Variants in LRCH4 observed in about 807,000 individuals in gnomAD.
The protein encoded by LRCH4 is leucine-rich repeat and calponin homology domain-containing protein 4.
A neutral mutation model predicts 81.2 loss-of-function variants in LRCH4; 56 were observed. The ratio of observed to expected loss-of-function variants is 0.69; its 90% CI spans 0.56 to 0.86. LRCH4 has a LOEUF of 0.86. Among genes scored for constraint, LRCH4 ranks in the 40% least tolerant of loss-of-function variants. The pLI is 0.00. For synonymous variants in LRCH4, 442 were observed against 409.7 expected, an observed-to-expected ratio of 1.08 and a Z score of -0.95; for missense variants, 895 against 922.8, an observed-to-expected ratio of 0.97 and a Z score of 0.39.
Position 100,577,545 on chromosome 7 carries a change from G to C in LRCH4, c.1130C>G (p.Pro377Arg), listed in dbSNP as rs755840897. 1.2e-6 allele frequency: 2 copies of C among 1,610,788 alleles called. No homozygotes were observed. ...ERGTVEEQRP[P>R]ELSPGAGDRE... ...GTCCCCTGCCCCAGGGCTTAATTCGGGTGGTCGCTGCTCCTAAGGAGAGAA... is the reference window on the plus strand; with the variant it reads ...GTCCCCTGCCCCAGGGCTTAATTCGCGTGGTCGCTGCTCCTAAGGAGAGAA... Residue 377 changes from proline (P) to arginine (R), a missense_variant, in exon 10 of 18, where the codon CCC (proline) becomes CGC (arginine). Pro to Arg is a moderately radical substitution (Grantham distance 103). This residue lies in a region of LRCH4 where 529 missense variants were observed against 504.9 expected (regional missense o/e 1.05). Coordinates refer to ENST00000310300, the MANE Select transcript of LRCH4 (RefSeq NM_002319.5). This position sits in a 1 kb window ranked among gnomAD's most constrained non-coding sequence, Gnocchi z 6.7.
chr7:100,578,680 G>C lies in LRCH4; in HGVS notation c.705C>G (p.Asp235Glu), dbSNP rs770117840. ...RLRHLQVILL[D>E]SNPLQSPPAQ... is the part of the protein sequence containing the mutation. ...CAGGTGGACTCTGCAGAGGGTTGCT[G>C]TCCAGCAGAATGACCTGCAGGTGCC... Residue 235 changes from aspartate to glutamate, a missense_variant, in exon 5 of 18, where the codon GAC becomes GAG. Coordinates refer to ENST00000310300, the MANE Select transcript of LRCH4 (RefSeq NM_002319.5). The surrounding 1 kb of genome is among the most constrained non-coding windows in gnomAD (Gnocchi z 5.7). 5 of 1,614,194 alleles carry C rather than the reference G, an allele frequency of 3.1e-6. No individual in the cohort carries two copies. Among genetic ancestry groups the C allele is most frequent in the Non-Finnish European group, 4.2e-6 (5 of 1,180,020 alleles).
In LRCH4 at chr7:100,577,227, C is replaced by T. The variant is rs1171490531; in HGVS notation, c.1295+46G>A. ...CAGCGGGGCTCGGTGGCCCCATTTCCAGGGCTCAGTGTCCAGCAACAGCCC... is the reference window on the plus strand; with the variant it reads ...CAGCGGGGCTCGGTGGCCCCATTTCTAGGGCTCAGTGTCCAGCAACAGCCC... On this transcript the variant is annotated intron_variant, in intron 11 of 17. Transcript: ENST00000310300. The surrounding 1 kb of genome is among the most constrained non-coding windows in gnomAD (Gnocchi z 6.7). 1 of 1,607,336 alleles carries T rather than the reference C, an allele frequency of 6.2e-7. No homozygotes were observed. Among genetic ancestry groups the T allele is most frequent in the African/African-American group, 1.3e-5 (1 of 74,900 alleles).
At position 100,576,772 on chromosome 7, in the gene LRCH4, C is replaced by T; in HGVS notation, c.1474G>A (p.Ala492Thr). The change falls in exon 14 of 18, where the codon GCA becomes ACA. Residue 492 changes from alanine to threonine, a missense_variant. Physicochemically the swap from Ala to Thr is moderately conservative, Grantham distance 58 (BLOSUM62 0). Around this residue, in one of 3 missense-constraint regions of LRCH4, gnomAD observed 529 missense variants for 504.9 expected, o/e 1.05. Transcript: ENST00000310300. ...EPLPIAGPAT[A>T]PAPRPLGSIQ... ...GAGCCAAGTGGCCGTGGAGCAGGTG[C>T]TGTCGCTGGGGCCGGAACCAGGGAC... 6.3e-7 allele frequency: 1 copy of T among 1,591,832 alleles called. No homozygotes were observed. The highest frequency in any genetic ancestry group is 2.3e-5 in the East Asian group (1 of 43,976).
In LRCH4 at chr7:100,585,825, G is replaced by A. The variant is rs572675830; in HGVS notation, c.220+56C>T. 16 of 1,476,834 alleles carry A rather than the reference G, an allele frequency of 1.1e-5. 1 individual carries two copies. In the Admixed American group the frequency reaches 3.0e-4, roughly 28 times the overall value. 91.5% of individuals were successfully genotyped at this position (1,476,834 alleles called of 1,614,324 possible). On this transcript the variant is annotated intron_variant, in intron 1 of 17. Coordinates refer to ENST00000310300, the MANE Select transcript of LRCH4 (RefSeq NM_002319.5). ...CGACTCCCGGGCCGGGCGGGGCCCG[G>A]GGTGGGGCTATGCAAATGAGGGACC... is the stretch of plus-strand genomic sequence containing the variant.
Position 100,575,025 on chromosome 7 carries a change from C to A in LRCH4, c.*82G>T, listed in dbSNP as rs927073515. 8.2e-6 allele frequency: 11 copies of A among 1,337,630 alleles called. No homozygotes were observed. Among genetic ancestry groups the A allele is most frequent in the Non-Finnish European group, 9.2e-6 (9 of 979,374 alleles). 82.9% of individuals were successfully genotyped at this position (1,337,630 alleles called of 1,614,324 possible). On this transcript the variant is annotated 3_prime_UTR_variant, in exon 18 of 18. Coordinates refer to ENST00000310300, the MANE Select transcript of LRCH4 (RefSeq NM_002319.5). The surrounding 1 kb of genome is among the most constrained non-coding windows in gnomAD (Gnocchi z 5.3). ...TAGTGTCTTTGGTTGGGGCTGAAGGCACCGCAGGTGGGGTCGGGTGGAGCA... is the reference window on the plus strand; with the variant it reads ...TAGTGTCTTTGGTTGGGGCTGAAGGAACCGCAGGTGGGGTCGGGTGGAGCA...
At position 100,584,329 on chromosome 7, in the gene LRCH4, G is replaced by A. The variant is rs1047597293; in HGVS notation, c.220+1552C>T. On this transcript the variant is annotated intron_variant, in intron 1 of 17. Transcript: ENST00000310300. ...AACCTGGGCCCTGTGTAGAGAGTGG[G>A]GCAGAGGAGGGTTCTTGGGAAGCTG... The A allele has an allele frequency of 6.6e-5, 28 of 425,166 alleles. No homozygotes were observed. In the East Asian group the frequency reaches 1.2e-3, roughly 19 times the overall value. The allele number at this position is 425,166 out of a possible 1,614,324, so 26.3% of individuals were successfully genotyped here.
rs373972496 is a variant in LRCH4 at position 100,578,740 on chromosome 7, G to C, written c.645C>G (p.Arg215=). The stretch of plus-strand genomic sequence containing the variant: ...AGAAGGAGACTGGGATTCGGGAGAC[G>C]CGGTTACAGGAGAAATCCAGGCGGA... ...PLVRLDFSCN[R]VSRIPVSFCR... Residue 215 remains arginine (R), a synonymous_variant, in exon 5 of 18, where the codon CGC becomes CGG. Coordinates refer to ENST00000310300, the MANE Select transcript of LRCH4 (RefSeq NM_002319.5). The surrounding 1 kb of genome is among the most constrained non-coding windows in gnomAD (Gnocchi z 5.7). The C allele has an allele frequency of 3.0e-5, 49 of 1,614,054 alleles. No homozygotes were observed. In the South Asian group the frequency reaches 4.7e-4, roughly 16 times the overall value.
Position 100,576,674 on chromosome 7 carries a change from G to T in LRCH4, c.1552+20C>A, listed in dbSNP as rs376096274. 6.4e-7 allele frequency: 1 copy of T among 1,572,546 alleles called. No individual in the cohort carries two copies. Among genetic ancestry groups the T allele is most frequent in the Non-Finnish European group, 8.6e-7 (1 of 1,157,764 alleles). ...TGCTGGCAAGCACTGGGTCAGCACT[G>T]GGGAGGGCAGGACACCCACCTGAGC... On this transcript the variant is annotated intron_variant, in intron 14 of 17. Transcript: ENST00000310300.
Position 100,582,189 on chromosome 7 carries a change from C to T in LRCH4, c.366-22G>A, listed in dbSNP as rs201617494. 185 of 1,613,438 alleles carry T rather than the reference C, an allele frequency of 1.1e-4. No individual in the cohort carries two copies. The highest frequency in any genetic ancestry group is 1.4e-4 in the Non-Finnish European group (166 of 1,179,900). Reference sequence around the variant, plus strand: ...TCGGCTGTGGAAGGGAGAAAGGCAGCGGACTGGCTCCCCAGGCATGGCATC... The same window carrying T: ...TCGGCTGTGGAAGGGAGAAAGGCAGTGGACTGGCTCCCCAGGCATGGCATC... On this transcript the variant is annotated intron_variant, in intron 2 of 17. Transcript: ENST00000310300. This position sits in a 1 kb window ranked among gnomAD's most constrained non-coding sequence, Gnocchi z 5.0.
In LRCH4 at chr7:100,582,793, G is replaced by A. The variant is rs1449695367; in HGVS notation, c.221-334C>T. Among the ~76,000 whole-genome samples, 3 of 152,164 alleles carry A rather than the reference G, an allele frequency of 2.0e-5. No individual in the cohort carries two copies. The highest frequency in any genetic ancestry group is 2.9e-5 in the Non-Finnish European group (2 of 68,040). ...CCTGTTCAGAGATGCCAGGTGAGGC[G>A]GAGGACCGAAGGTGAGAGGAGGGGT... is the stretch of plus-strand genomic sequence containing the variant. On this transcript the variant is annotated intron_variant, in intron 1 of 17. Coordinates refer to ENST00000310300, the MANE Select transcript of LRCH4 (RefSeq NM_002319.5). This position sits in a 1 kb window ranked among gnomAD's most constrained non-coding sequence, Gnocchi z 5.0.
Position 100,575,658 on chromosome 7 carries a change from C to A in LRCH4, c.1854+47G>T. 6.3e-7 allele frequency: 1 copy of A among 1,599,786 alleles called. No individual in the cohort carries two copies. Among genetic ancestry groups the A allele is most frequent in the South Asian group, 1.1e-5 (1 of 90,794 alleles). ...AAGCCCACCATCCATGCCACATGCT[C>A]GGCTGAGTCCGGCATGCCACCACTC... is the stretch of plus-strand genomic sequence containing the variant. On this transcript the variant is annotated intron_variant, in intron 17 of 17. Transcript: ENST00000310300. The surrounding 1 kb of genome is among the most constrained non-coding windows in gnomAD (Gnocchi z 5.3).
chr7:100,575,433 AG>A lies in LRCH4; in HGVS notation c.1855-130del. The A allele has an allele frequency of 1.1e-6, 1 of 944,674 alleles. No individual in the cohort carries two copies. The highest frequency in any genetic ancestry group is 1.6e-6 in the Non-Finnish European group (1 of 610,616). The allele number at this position is 944,674 out of a possible 1,614,324, so 58.5% of individuals were successfully genotyped here. ...ACGCCCACATGCTGACGTGCTGGGC[AG>A]GGGGAGTGCAGTGCAGGAGGAGTGC... On this transcript the variant is annotated intron_variant, in intron 17 of 17. Coordinates refer to ENST00000310300, the MANE Select transcript of LRCH4 (RefSeq NM_002319.5). This position sits in a 1 kb window ranked among gnomAD's most constrained non-coding sequence, Gnocchi z 5.3.
chr7:100,575,075 G>A lies in LRCH4; in HGVS notation c.*32C>T, dbSNP rs1197437808. 1 of 1,576,568 alleles carries A rather than the reference G, an allele frequency of 6.3e-7. No homozygotes were observed. The stretch of plus-strand genomic sequence containing the variant: ...AGGGACCTTATAAATAGAGAGGAAG[G>A]GAAAGGGGTGAGGGAGGGCCGATTT... On this transcript the variant is annotated 3_prime_UTR_variant, in exon 18 of 18. Transcript: ENST00000310300. The surrounding 1 kb of genome is among the most constrained non-coding windows in gnomAD (Gnocchi z 5.3).
chr7:100,582,180 G>GA lies in LRCH4; in HGVS notation c.366-14dup, dbSNP rs1562809027. The stretch of plus-strand genomic sequence containing the variant: ...CAGCTGGTTTCGGCTGTGGAAGGGA[G>GA]AAAGGCAGCGGACTGGCTCCCCAGG... On this transcript the variant is annotated splice_polypyrimidine_tract_variant and intron_variant, in intron 2 of 17. Coordinates refer to ENST00000310300, the MANE Select transcript of LRCH4 (RefSeq NM_002319.5). This position sits in a 1 kb window ranked among gnomAD's most constrained non-coding sequence, Gnocchi z 5.0. The GA allele has an allele frequency of 6.2e-7, 1 of 1,613,594 alleles. No individual in the cohort carries two copies. Among genetic ancestry groups the GA allele is most frequent in the Admixed American group, 1.7e-5 (1 of 59,998 alleles).
Position 100,582,243 on chromosome 7 carries a change from G to GGGTGGGTCACTC in LRCH4, c.365+60_365+71dup. On this transcript the variant is annotated intron_variant, in intron 2 of 17. Coordinates refer to ENST00000310300, the MANE Select transcript of LRCH4 (RefSeq NM_002319.5). The surrounding 1 kb of genome is among the most constrained non-coding windows in gnomAD (Gnocchi z 5.0). ...GCACTGCCATCCTCTCGGGGTCACT[G>GGGTGGGTCACTC]GGTGGGTCACTCAGTAGTACTTGAG... is the stretch of plus-strand genomic sequence containing the variant. 1 of 1,613,448 alleles carries GGGTGGGTCACTC rather than the reference G, an allele frequency of 6.2e-7. No individual in the cohort carries two copies. Among genetic ancestry groups the GGGTGGGTCACTC allele is most frequent in the Non-Finnish European group, 8.5e-7 (1 of 1,179,870 alleles).
At position 100,577,635 on chromosome 7, in the gene LRCH4, C is replaced by T. The variant is rs2131171157; in HGVS notation, c.1116+29G>A. 6.2e-7 allele frequency: 1 copy of T among 1,613,026 alleles called. No individual in the cohort carries two copies. The highest frequency in any genetic ancestry group is 1.3e-5 in the African/African-American group (1 of 75,052). ...CCTGTCCCCTCCTCCAGCTCCCCTC[C>T]CTTGGGAGAGGCATAGCTGGGCTCT... On this transcript the variant is annotated intron_variant, in intron 9 of 17. Coordinates refer to ENST00000310300, the MANE Select transcript of LRCH4 (RefSeq NM_002319.5). This position sits in a 1 kb window ranked among gnomAD's most constrained non-coding sequence, Gnocchi z 6.7.
Position 100,583,949 on chromosome 7 carries a change from G to C in LRCH4, c.221-1490C>G, listed in dbSNP as rs1291566224. Reference sequence around the variant, plus strand: ...CAGGAGGCAGGGCACTGGGGGCACAGGATGTGGTCTGGGAGAGAATGAGCT... The same window carrying C: ...CAGGAGGCAGGGCACTGGGGGCACACGATGTGGTCTGGGAGAGAATGAGCT... On this transcript the variant is annotated intron_variant, in intron 1 of 17. Transcript: ENST00000310300. The surrounding 1 kb of genome is among the most constrained non-coding windows in gnomAD (Gnocchi z 4.3). 1.2e-5 allele frequency: 4 copies of C among 337,116 alleles called. No individual in the cohort carries two copies. The highest frequency in any genetic ancestry group is 2.4e-5 in the Non-Finnish European group (4 of 166,992). 20.9% of individuals were successfully genotyped at this position (337,116 alleles called of 1,614,324 possible).
chr7:100,575,037 G>A lies in LRCH4; in HGVS notation c.*70C>T, dbSNP rs1801299292. On this transcript the variant is annotated 3_prime_UTR_variant, in exon 18 of 18. Coordinates refer to ENST00000310300, the MANE Select transcript of LRCH4 (RefSeq NM_002319.5). The surrounding 1 kb of genome is among the most constrained non-coding windows in gnomAD (Gnocchi z 5.3). ...TTGGGGCTGAAGGCACCGCAGGTGG[G>A]GTCGGGTGGAGCAGGGACCTTATAA... 1 of 1,428,832 alleles carries A rather than the reference G, an allele frequency of 7.0e-7. No homozygotes were observed. The highest frequency in any genetic ancestry group is 9.5e-7 in the Non-Finnish European group (1 of 1,053,696). 88.5% of individuals were successfully genotyped at this position (1,428,832 alleles called of 1,614,324 possible). A position where few individuals can be genotyped will look rare whatever the true frequency, so the allele number is the denominator to read the frequency against.
chr7:100,574,936 G>A lies in LRCH4; in HGVS notation c.*171C>T, dbSNP rs74987581. 38,616 of 629,996 alleles carry A rather than the reference G, an allele frequency of 0.061. 1,350 individuals are homozygous for A. Among genetic ancestry groups the A allele is most frequent in the Middle Eastern group, 0.072 (166 of 2,296 alleles). The allele number at this position is 629,996 out of a possible 1,614,324, so 39.0% of individuals were successfully genotyped here. ...CTACTGGAGGGAGGCCAGAGGCTGG[G>A]GGCCCAGGGTCTGGGGGCACCAGAG... On this transcript the variant is annotated 3_prime_UTR_variant, in exon 18 of 18. Coordinates refer to ENST00000310300, the MANE Select transcript of LRCH4 (RefSeq NM_002319.5).
Sources: allele counts gnomAD v4.1 joint callset (sites outside exome capture counted in the v4.1 genomes callset), GRCh38; gene constraint gnomAD v4.1.1; regional missense constraint gnomAD v4.1.1; non-coding constraint Gnocchi (gnomAD v3.1); transcripts MANE v1.5; gene names NCBI Gene and HGNC (gene_info 2026-07-23, HGNC 2026-07-21).